Variants in OPCML observed in about 807,000 individuals in gnomAD.
OPCML encodes opioid-binding protein/cell adhesion molecule.
OPCML carries 13 observed loss-of-function variants against 37.8 expected under a neutral mutation model. That is an observed-to-expected ratio of 0.34 (90% CI 0.22 to 0.55). OPCML has a LOEUF of 0.55. Ranked by LOEUF, OPCML falls within the 20% of genes least tolerant of loss-of-function variation. OPCML has a pLI of 0.91. For missense variants in OPCML, 341 were observed against 435.6 expected, an observed-to-expected ratio of 0.78 and a Z score of 1.93; for synonymous variants, 176 against 168.8, an observed-to-expected ratio of 1.04 and a Z score of -0.33.
chr11:132,825,645 G>T (rs1940266034), intron 2 of OPCML, among the ~76,000 whole-genome samples: 2 of 152,290 alleles, frequency 1.3e-5, no homozygotes, highest in African/African-American at 4.8e-5. Flanking sequence ...CACTTGGAAG[G>T]CGGGTTGAAA....
chr11:132,686,959 C>G (rs1369652084), intron 2 of OPCML, among the ~76,000 whole-genome samples: 2 of 152,154 alleles, frequency 1.3e-5, no homozygotes, highest in Admixed American at 6.5e-5. Context: ...ATAGACACCC[C>G]TTCTGGACAT....
At chr11:132,647,300 C>G (rs575446798) in intron 3 of OPCML, among the ~76,000 whole-genome samples, 2 of 152,138 alleles carry the variant, frequency 1.3e-5, no homozygotes, top group Non-Finnish European at 2.9e-5. Flanking sequence ...TGAATCCCAC[C>G]CTCTGGGGTT....
chr11:132,822,526 G>A (rs772088547), intron 2 of OPCML, among the ~76,000 whole-genome samples: 62 of 151,958 alleles, frequency 4.1e-4, no homozygotes, highest in Non-Finnish European at 6.9e-4. Flanking sequence ...GTGTGTGTGC[G>A]CGCACACACT....
At chr11:133,094,496 C>G (rs929140329) in intron 1 of OPCML, among the ~76,000 whole-genome samples, 1 of 152,172 alleles carries the variant, frequency 6.6e-6, no homozygotes, top group African/African-American at 2.4e-5. Context: ...GCCACCATCT[C>G]AATGACCTAG....
At chr11:133,175,498 A>AAG (rs397711286) in intron 1 of OPCML, among the ~76,000 whole-genome samples, 1 of 151,630 alleles carries the variant, frequency 6.6e-6, no homozygotes. Flanking sequence ...AAAAAAAAAA[A>AAG]CAGAACTAGG....
chr11:133,448,051 A>G (rs1318416674), intron 1 of OPCML, among the ~76,000 whole-genome samples: 1 of 152,156 alleles, frequency 6.6e-6, no homozygotes, highest in African/African-American at 2.4e-5. Context: ...AAAAAGTCCA[A>G]TGTATTATTT....
At chr11:133,008,059 C>T in intron 1 of OPCML, 2 of 985,430 alleles carry the variant, frequency 2.0e-6, no homozygotes, top group Non-Finnish European at 2.4e-6. Flanking sequence ...TGCTGTACGG[C>T]TACTTGCATT....
intron 2 of OPCML, among the ~76,000 whole-genome samples, chr11:132,763,916 T>C (rs966380312): frequency 2.0e-5 from 3 of 152,230 alleles, no homozygotes; most frequent in South Asian, 2.1e-4. Context: ...AACTCAATGA[T>C]AAATAAATCA....
intron 2 of OPCML, among the ~76,000 whole-genome samples, chr11:132,663,620 C>T (rs1034255631): frequency 6.6e-6 from 1 of 152,196 alleles, no homozygotes; most frequent in East Asian, 1.9e-4. Flanking sequence ...AGGTGACTGG[C>T]TTTGTCAGTG....
Position 133,148,944 on chromosome 11 carries a change from G to A in OPCML, c.62-205934C>T, listed in dbSNP as rs557447479. On this transcript the variant is annotated intron_variant, in intron 1 of 7. Coordinates refer to ENST00000524381, the MANE Select transcript of OPCML (RefSeq NM_001012393.5). ...TTTAGGGTCCTGATTAACCAAGCAG[G>A]CTGATGCATTCAGTCTTGAGAAGGA... Among the ~76,000 whole-genome samples the A allele has an allele frequency of 4.6e-5, 7 of 152,264 alleles. No individual in the cohort carries two copies. The East Asian group carries it at 1.4e-3, about 29-fold the overall frequency.
chr11:132,504,317 G>A (rs1021206426), intron 4 of OPCML, among the ~76,000 whole-genome samples: 12 of 151,808 alleles, frequency 7.9e-5, no homozygotes, highest in African/African-American at 2.2e-4. Flanking sequence ...AAGGGAGGCC[G>A]AGCAGCCATT....
intron 1 of OPCML, among the ~76,000 whole-genome samples, chr11:133,141,175 TGAA>T (rs2137167380): frequency 6.6e-6 from 1 of 151,756 alleles, no homozygotes; most frequent in African/African-American, 2.4e-5. Context: ...CTGCAGCAGG[TGAA>T]GGAGAGGAAC....
At chr11:133,102,225 A>C (rs143111887) in intron 1 of OPCML, among the ~76,000 whole-genome samples, 4 of 152,354 alleles carry the variant, frequency 2.6e-5, no homozygotes, top group Non-Finnish European at 5.9e-5. Flanking sequence ...GATGTAGTTA[A>C]ATCAATTTTA....
intron 1 of OPCML, among the ~76,000 whole-genome samples, chr11:133,105,224 A>G (rs1949138951): frequency 6.6e-6 from 1 of 152,226 alleles, no homozygotes; most frequent in African/African-American, 2.4e-5. Context: ...AGGAATTCAG[A>G]CAACAATTAA....
intron 3 of OPCML, among the ~76,000 whole-genome samples, chr11:132,554,117 A>C (rs2096388812): frequency 6.6e-6 from 1 of 152,128 alleles, no homozygotes; most frequent in South Asian, 2.1e-4. Flanking sequence ...GGGACCTGAG[A>C]TTTAGATCAT....
chr11:132,684,984 T>C (rs1943106573), intron 2 of OPCML, among the ~76,000 whole-genome samples: 1 of 152,230 alleles, frequency 6.6e-6, no homozygotes. Flanking sequence ...TTAATCCACC[T>C]TCACCTAAAT....
chr11:132,837,948 C>A (rs148586201), intron 2 of OPCML, among the ~76,000 whole-genome samples: 2 of 152,284 alleles, frequency 1.3e-5, no homozygotes, highest in East Asian at 3.9e-4. Flanking sequence ...AATGCCAGGC[C>A]GCTGTCACGT....
chr11:133,391,625 G>T (rs1338314963), intron 1 of OPCML, among the ~76,000 whole-genome samples: 1 of 152,110 alleles, frequency 6.6e-6, no homozygotes, highest in Non-Finnish European at 1.5e-5. Flanking sequence ...TTGAAAGAAA[G>T]TTTGTTAATG....
intron 3 of OPCML, among the ~76,000 whole-genome samples, chr11:132,549,671 C>T (rs929238500): frequency 2.0e-5 from 3 of 152,186 alleles, no homozygotes; most frequent in African/African-American, 4.8e-5. Context: ...AGCTTGCACG[C>T]GTGAATGCGG....
Sources: gnomAD v4.1 joint callset for allele counts (sites outside exome capture counted in the v4.1 genomes callset) on GRCh38, gnomAD v4.1.1 for gene constraint, MANE v1.5 for transcripts, NCBI Gene and HGNC (gene_info 2026-07-23, HGNC 2026-07-21) for gene names.